Variants in LPCAT4 observed in about 807,000 individuals in gnomAD.
LPCAT4 encodes lysophospholipid acyltransferase LPCAT4.
Under a neutral mutation model 66.5 loss-of-function variants are expected in LPCAT4, and 30 were observed. That is an observed-to-expected ratio of 0.45 (90% CI 0.34 to 0.61). LPCAT4 has a LOEUF of 0.61. Among genes scored for constraint, LPCAT4 ranks in the 20% least tolerant of loss-of-function variants. LPCAT4 has a pLI of 0.01. For synonymous variants in LPCAT4, 253 were observed against 262.1 expected, an observed-to-expected ratio of 0.97 and a Z score of 0.34; for missense variants, 557 against 656.7, an observed-to-expected ratio of 0.85 and a Z score of 1.66.
rs773574192 is a variant in LPCAT4, at chr15:34,362,662, C to T, written c.802-7G>A. The T allele has an allele frequency of 6.2e-7, 1 of 1,605,242 alleles. No homozygotes were observed. Among genetic ancestry groups the T allele is most frequent in the South Asian group, 1.1e-5 (1 of 89,988 alleles). On this transcript the variant is annotated splice_polypyrimidine_tract_variant and splice_region_variant and intron_variant, in intron 8 of 13. Coordinates refer to ENST00000314891, the MANE Select transcript of LPCAT4 (RefSeq NM_153613.3). ...GGTGATACACAGGAAGGAACTGAAA[C>T]ACAGACACACACAATTCTTATCAGA...
In LPCAT4 at chr15:34,365,217, T is replaced by C; in HGVS notation, c.269A>G (p.His90Arg). 1.2e-6 allele frequency: 2 copies of C among 1,606,640 alleles called. No individual in the cohort carries two copies. The highest frequency in any genetic ancestry group is 1.7e-6 in the Non-Finnish European group (2 of 1,176,994). The change falls in exon 3 of 14, where the codon CAC (histidine) becomes CGC (arginine). Residue 90 changes from histidine to arginine, a missense_variant. Coordinates refer to ENST00000314891, the MANE Select transcript of LPCAT4 (RefSeq NM_153613.3). ...GCGGCTCAGGCCTAGCACCCCGTTG[T>C]GGCACACAGTCCTGCCAGGGCAAGG... ...PITGWRKTVC[H>R]NGVLGLSRLL...
At position 34,364,038 on chromosome 15, in the gene LPCAT4, C is replaced by T. The variant is rs1891011009; in HGVS notation, c.627G>A (p.Lys209=). ...LFFPEGTCSN[K]KALLKFKPGA... ...CTGGTTTGAACTTAAGCAAAGCCTT[C>T]TTGTTGGAACAGGTGCCCTCAGGAA... The change falls in exon 5 of 14, where the codon AAG becomes AAA. Residue 209 remains lysine, a synonymous_variant. Transcript: ENST00000314891. 2.5e-6 allele frequency: 4 copies of T among 1,613,114 alleles called. No homozygotes were observed. Among genetic ancestry groups the T allele is most frequent in the Non-Finnish European group, 2.5e-6 (3 of 1,179,112 alleles).
intron 12 of LPCAT4, 44 bp from the exon 13 acceptor site, chr15:34,359,789 A>G (rs1890898696): frequency 6.4e-7 from 1 of 1,559,700 alleles, no homozygotes; most frequent in African/African-American, 1.3e-5. Context: ...TCCTCATGCC[A>G]TGGCCTCACC....
chr15:34,363,989 A>G lies in LPCAT4; in HGVS notation c.652+24T>C. 1 of 1,605,942 alleles carries G rather than the reference A, an allele frequency of 6.2e-7. No homozygotes were observed. Among genetic ancestry groups the G allele is most frequent in the South Asian group, 1.1e-5 (1 of 90,882 alleles). On this transcript the variant is annotated intron_variant, in intron 5 of 13. Coordinates refer to ENST00000314891, the MANE Select transcript of LPCAT4 (RefSeq NM_153613.3). This position sits in a 1 kb window ranked among gnomAD's most constrained non-coding sequence, Gnocchi z 4.3. ...CTGGAACTTCTTTTTCCTACAGCCC[A>G]CCACCCACTATCATTTTATTCACCT... is the stretch of plus-strand genomic sequence containing the variant.
intron 7 of LPCAT4, 111 bp from the exon 8 acceptor site, chr15:34,362,947 G>T: frequency 9.4e-7 from 1 of 1,060,116 alleles, no homozygotes; most frequent in Non-Finnish European, 1.4e-6. Flanking sequence ...GAAAAGTTCT[G>T]CCCATTGATA....
At chr15:34,365,865 G>C in intron 1 of LPCAT4, 164 bp from the exon 2 acceptor site, 1 of 735,048 alleles carries the variant, frequency 1.4e-6, no homozygotes, top group Non-Finnish European at 2.2e-6. Context: ...GTGGGATGAA[G>C]ATACCAATGA....
chr15:34,367,165 T>C lies in LPCAT4; in HGVS notation c.-65A>G, dbSNP rs971493947. 1 of 1,327,650 alleles carries C rather than the reference T, an allele frequency of 7.5e-7. No individual in the cohort carries two copies. Among genetic ancestry groups the C allele is most frequent in the African/African-American group, 1.6e-5 (1 of 64,006 alleles). The allele number at this position is 1,327,650 out of a possible 1,614,324, so 82.2% of individuals were successfully genotyped here. On this transcript the variant is annotated 5_prime_UTR_variant, in exon 1 of 14. Transcript: ENST00000314891. ...CCCGGCCACCACTCTGCAGAGCAGC[T>C]GCTGCTGCAGCAGCGGCGGCGGCGG...
chr15:34,363,059 T>C lies in LPCAT4; in HGVS notation c.747-223A>G, dbSNP rs1890986262. 6.6e-6 allele frequency among the ~76,000 whole-genome samples: 1 copy of C among 151,976 alleles called. No individual in the cohort carries two copies. The highest frequency in any genetic ancestry group is 6.6e-5 in the Admixed American group (1 of 15,260). ...GGTAGGGAAAGAGAGCAGAGCTGCA[T>C]GGATATGCCAGAGGAAGAACTGTAG... is the stretch of plus-strand genomic sequence containing the variant. On this transcript the variant is annotated intron_variant, in intron 7 of 13. Coordinates refer to ENST00000314891, the MANE Select transcript of LPCAT4 (RefSeq NM_153613.3). This position sits in a 1 kb window ranked among gnomAD's most constrained non-coding sequence, Gnocchi z 4.3.
chr15:34,360,237 G>A, intron 11 of LPCAT4, 28 bp from the exon 12 acceptor site: 1 of 1,577,772 alleles, frequency 6.3e-7, no homozygotes, highest in Non-Finnish European at 8.7e-7. Flanking sequence ...CCAGGGCAAT[G>A]CGGGGACCCT....
chr15:34,364,589 AATTT>A, intron 3 of LPCAT4: 1 of 105,584 alleles, frequency 9.5e-6, no homozygotes. Context: ...ACGCCCGGCT[AATTT>A]TTTTTTTTTT....
intron 1 of LPCAT4, 82 bp from the exon 2 acceptor site, chr15:34,365,783 C>CAGG (rs1891063039): frequency 4.0e-6 from 6 of 1,484,082 alleles, no homozygotes; most frequent in African/African-American, 1.4e-5. Context: ...AGCATAGACC[C>CAGG]AGGAGCAGAC....
Position 34,367,043 on chromosome 15 carries a change from C to T in LPCAT4, c.58G>A (p.Ala20Thr), listed in dbSNP as rs776326529. 4.2e-5 allele frequency: 23 copies of T among 553,692 alleles called. No individual in the cohort carries two copies. The highest frequency in any genetic ancestry group is 7.2e-5 in the Non-Finnish European group (21 of 292,524). The allele number at this position is 553,692 out of a possible 1,614,324, so 34.3% of individuals were successfully genotyped here. The change falls in exon 1 of 14, where the codon GCA becomes ACA. Residue 20 changes from alanine to threonine, a missense_variant. Physicochemically the swap from Ala to Thr is moderately conservative, Grantham distance 58. Transcript: ENST00000314891. The stretch of plus-strand genomic sequence containing the variant: ...TCATGCACGAAGGGGTTGGGGGATG[C>T]TGGGGGTCCGGGGGTGGGATCTAGG... ...APLDPTPGPP[A>T]SPNPFVHELH...
intron 9 of LPCAT4, 52 bp from the exon 10 acceptor site, chr15:34,362,373 T>C: frequency 1.2e-6 from 2 of 1,610,200 alleles, no homozygotes; most frequent in Admixed American, 3.3e-5. Context: ...AAGAAACTTC[T>C]GAGGGTTGGT....
rs1003248191 is a variant in LPCAT4 at position 34,362,708 on chromosome 15, C to T, written c.802-53G>A. The T allele has an allele frequency of 5.0e-6, 8 of 1,609,804 alleles. No homozygotes were observed. The African/African-American group carries it at 1.1e-4, about 22-fold the overall frequency. ...TCAGAACCTCAAAGTGAGGTATGAC[C>T]ACTCCCACCCTCTTTTCCCAAGGTT... On this transcript the variant is annotated intron_variant, in intron 8 of 13. Coordinates refer to ENST00000314891, the MANE Select transcript of LPCAT4 (RefSeq NM_153613.3).
rs1444530102 is a variant in LPCAT4, at chr15:34,363,517, A to G, written c.712-61T>C. On this transcript the variant is annotated intron_variant, in intron 6 of 13. Coordinates refer to ENST00000314891, the MANE Select transcript of LPCAT4 (RefSeq NM_153613.3). The surrounding 1 kb of genome is among the most constrained non-coding windows in gnomAD (Gnocchi z 4.3). ...TACTTTTTCCCCCTGGAACTGGCCA[A>G]TCACCTTTGAACAGAGGGCCTGATC... The G allele has an allele frequency of 3.7e-6, 6 of 1,609,276 alleles. No individual in the cohort carries two copies. The highest frequency in any genetic ancestry group is 4.5e-5 in the East Asian group (2 of 44,858).
At chr15:34,366,886 T>A (rs1235105975) in intron 1 of LPCAT4, 101 bp downstream of exon 1, 2 of 1,499,436 alleles carry the variant, frequency 1.3e-6, no homozygotes, top group Non-Finnish European at 1.8e-6. Flanking sequence ...CTCTCAGCCA[T>A]CTCCTTCTCG....
At position 34,362,279 on chromosome 15, in the gene LPCAT4, G is replaced by A. The variant is rs201697830; in HGVS notation, c.927C>T (p.Ser309=). Residue 309 remains serine (S), a synonymous_variant, in exon 10 of 14, where the codon AGC becomes AGT. Coordinates refer to ENST00000314891, the MANE Select transcript of LPCAT4 (RefSeq NM_153613.3). ...GCCGGCCCACCACAATCACAGGTAA[G>A]CTCCCTACAAACTCACATTCGGTGG... ...IPATECEFVG[S]LPVIVVGRLK... 1.7e-5 allele frequency: 27 copies of A among 1,614,056 alleles called. No individual in the cohort carries two copies. The East Asian group carries it at 4.2e-4, about 25-fold the overall frequency.
At chr15:34,364,487 G>A (rs569012799) in intron 3 of LPCAT4, 181 bp from the exon 4 acceptor site, 3 of 526,754 alleles carry the variant, frequency 5.7e-6, no homozygotes, top group East Asian at 3.2e-5. Context: ...GCAATGGCTC[G>A]ATCTCAGCTC....
chr15:34,364,769 G>T, intron 3 of LPCAT4: 2 of 495,606 alleles, frequency 4.0e-6, no homozygotes, highest in South Asian at 3.1e-5. Context: ...TCTTTGCCCT[G>T]GGACAATCCC....
Sources: allele counts gnomAD v4.1 joint callset (sites outside exome capture counted in the v4.1 genomes callset), GRCh38; gene constraint gnomAD v4.1.1; non-coding constraint Gnocchi (gnomAD v3.1); transcripts MANE v1.5; gene names NCBI Gene and HGNC (gene_info 2026-07-23, HGNC 2026-07-21).